PDE4D: variants seen among roughly 807,000 people sequenced by gnomAD.
The protein encoded by PDE4D is 3',5'-cyclic-AMP phosphodiesterase 4D.
In PDE4D, 24 loss-of-function variants were observed where a neutral mutation model predicts 87.4. That is an observed-to-expected ratio of 0.27 (90% CI 0.20 to 0.39). The LOEUF (loss-of-function observed/expected upper bound fraction) is 0.39. Ranked by LOEUF, PDE4D falls within the 10% of genes least tolerant of loss-of-function variation. The probability of loss-of-function intolerance (pLI) is 1.00; values close to 1 mark genes in which losing one functional copy is unlikely to be tolerated. For missense variants in PDE4D, 714 were observed against 1,041.0 expected (o/e 0.69, Z 4.32); for synonymous variants, 384 against 383.2 (o/e 1.00, Z -0.02).
chr5:59,003,651 A>C (rs899098086), intron 6 of PDE4D, among the ~76,000 whole-genome samples: 13 of 152,222 alleles, frequency 8.5e-5, no homozygotes, highest in African/African-American at 3.1e-4. Context: ...ATAATACGTC[A>C]TGGGGTGATA....
At position 60,322,367 on chromosome 5, in the gene PDE4D, T is replaced by TACACACAC. The variant is rs60232413; in HGVS notation, c.-89-136688_-89-136681dup. Among the ~76,000 whole-genome samples the TACACACAC allele has an allele frequency of 8.1e-4, 108 of 132,804 alleles. 2 individuals are homozygous for TACACACAC. Among genetic ancestry groups the TACACACAC allele is most frequent in the Middle Eastern group, 7.7e-3 (2 of 260 alleles). 87.1% of individuals were successfully genotyped at this position (132,804 alleles called of 152,430 possible). On this transcript the variant is annotated intron_variant, in intron 1 of 16. Coordinates refer to the PDE4D transcript ENST00000502484. Reference sequence around the variant, plus strand: ...AACATTGAATATATATGGACACACATACACACACACACACACACACACACA... The same window carrying TACACACAC: ...AACATTGAATATATATGGACACACATACACACACACACACACACACACACACACACACA...
intron 1 of PDE4D, among the ~76,000 whole-genome samples, chr5:60,267,217 G>A (rs1750309585): frequency 6.6e-6 from 1 of 152,236 alleles, no homozygotes; most frequent in East Asian, 1.9e-4. Flanking sequence ...AGAGATGAGA[G>A]AGGAGAGGAA....
intron 1 of PDE4D, among the ~76,000 whole-genome samples, chr5:59,375,988 C>T (rs561154672): frequency 4.7e-4 from 72 of 152,218 alleles, no homozygotes; most frequent in Middle Eastern, 3.4e-3. Flanking sequence ...AATTCAAGAT[C>T]GCTTCATGTT....
At chr5:59,545,435 T>C (rs1426089285) in intron 1 of PDE4D, among the ~76,000 whole-genome samples, 2 of 152,210 alleles carry the variant, frequency 1.3e-5, no homozygotes, top group Non-Finnish European at 2.9e-5. Flanking sequence ...TTCTAGGTAG[T>C]TCACAACCAG....
At position 59,454,252 on chromosome 5, in the gene PDE4D, G is replaced by A. The variant is rs115749808; in HGVS notation, c.456-238284C>T. 5.2e-3 allele frequency among the ~76,000 whole-genome samples: 791 copies of A among 152,232 alleles called. 9 individuals are homozygous for A. The highest frequency in any genetic ancestry group is 0.018 in the African/African-American group (759 of 41,548). On this transcript the variant is annotated intron_variant, in intron 1 of 14. Coordinates refer to ENST00000340635, the MANE Select transcript of PDE4D (RefSeq NM_001104631.2). ...ATACATGATATGGTTTGGCTGTGTC[G>A]CCACCCAAATCTCATCTTGATTGTA... is the stretch of plus-strand genomic sequence containing the variant.
chr5:60,437,741 T>A (rs1256210600), intron 1 of PDE4D, among the ~76,000 whole-genome samples: 1 of 152,128 alleles, frequency 6.6e-6, no homozygotes, highest in East Asian at 1.9e-4. Flanking sequence ...GAAATTCAGT[T>A]GCCAGTGCTT....
intron 1 of PDE4D, among the ~76,000 whole-genome samples, chr5:60,382,013 C>A (rs1761894278): frequency 2.0e-5 from 3 of 152,090 alleles, no homozygotes; most frequent in Admixed American, 6.6e-5. Context: ...GCTAGTTATA[C>A]TGTATACTTT....
chr5:59,089,713 T>A (rs1214620696), intron 5 of PDE4D, among the ~76,000 whole-genome samples: 1 of 152,166 alleles, frequency 6.6e-6, no homozygotes, highest in Non-Finnish European at 1.5e-5. Flanking sequence ...AGATTTTTAA[T>A]CTTAAATTAG....
In PDE4D at chr5:59,189,656, C is replaced by G. The variant is rs578123025; in HGVS notation, c.684+3844G>C. On this transcript the variant is annotated intron_variant, in intron 3 of 14. Coordinates refer to ENST00000340635, the MANE Select transcript of PDE4D (RefSeq NM_001104631.2). ...TAGTGCTCCTTGGCCCCCAAGAACT[C>G]TGGCCAAGAAAAAAAGGTCAGTTGC... Among the ~76,000 whole-genome samples the G allele has an allele frequency of 3.3e-5, 5 of 152,244 alleles. No individual in the cohort carries two copies. In the East Asian group the frequency reaches 9.7e-4, roughly 29 times the overall value.
intron 3 of PDE4D, among the ~76,000 whole-genome samples, chr5:59,971,363 A>AAAAAAAATAAAT (rs1554125404): frequency 2.1e-5 from 3 of 145,978 alleles, no homozygotes; most frequent in Admixed American, 6.9e-5. Context: ...ATAATAATAA[A>AAAAAAAATAAAT]AAATAAATAA....
intron 2 of PDE4D, among the ~76,000 whole-genome samples, chr5:60,166,902 G>A (rs917465577): frequency 2.0e-5 from 3 of 151,988 alleles, no homozygotes; most frequent in Non-Finnish European, 4.4e-5. Flanking sequence ...GGTTTCTGCT[G>A]AGAAGTTTGC....
intron 1 of PDE4D, among the ~76,000 whole-genome samples, chr5:59,430,830 C>T (rs181866476): frequency 1.3e-5 from 2 of 152,172 alleles, no homozygotes; most frequent in Admixed American, 1.3e-4. Context: ...GAGTTATTTA[C>T]CTGTAAACAA....
chr5:60,288,814 T>C (rs368932944), intron 1 of PDE4D, among the ~76,000 whole-genome samples: 7 of 152,222 alleles, frequency 4.6e-5, no homozygotes, highest in African/African-American at 1.7e-4. Context: ...ATGATGACCA[T>C]AATTGCAACA....
intron 5 of PDE4D, among the ~76,000 whole-genome samples, chr5:59,088,844 G>A (rs1768187047): frequency 6.6e-6 from 1 of 152,162 alleles, no homozygotes; most frequent in Admixed American, 6.6e-5. Context: ...GGTATTAGGT[G>A]TAATATGTGG....
chr5:59,671,899 C>T (rs1317423188), intron 1 of PDE4D, among the ~76,000 whole-genome samples: 6 of 151,828 alleles, frequency 4.0e-5, no homozygotes, highest in African/African-American at 1.2e-4. Flanking sequence ...TTAGGAAATG[C>T]TAGAATTCCT....
chr5:60,404,162 T>A (rs983248254), intron 1 of PDE4D, among the ~76,000 whole-genome samples: 3 of 17,354 alleles, frequency 1.7e-4, no homozygotes, highest in African/African-American at 1.3e-3. Flanking sequence ...CAGCCAATTC[T>A]TTTTTTTTTT....
Position 59,215,552 on chromosome 5 carries a change from C to CGT in PDE4D, c.647+223_647+224dup, listed in dbSNP as rs10693866. On this transcript the variant is annotated intron_variant, in intron 2 of 14. Transcript: ENST00000340635. Reference sequence around the variant, plus strand: ...TATTTTCTGGGAAAATAAATACATGCGTGTGTGTGTGTGTGTGTGTGTGTG... The same window carrying CGT: ...TATTTTCTGGGAAAATAAATACATGCGTGTGTGTGTGTGTGTGTGTGTGTGTG... 16,957 of 363,314 alleles carry CGT rather than the reference C, an allele frequency of 0.047. 225 individuals are homozygous for CGT. Among genetic ancestry groups the CGT allele is most frequent in the Middle Eastern group, 0.07 (90 of 1,284 alleles). The allele number at this position is 363,314 out of a possible 1,614,324, so 22.5% of individuals were successfully genotyped here.
At chr5:59,124,038 T>C (rs1043793453) in intron 5 of PDE4D, among the ~76,000 whole-genome samples, 2 of 152,216 alleles carry the variant, frequency 1.3e-5, no homozygotes, top group Admixed American at 6.5e-5. Context: ...CCTTAGAAAC[T>C]GTGGAAAAGG....
chr5:59,253,233 T>C (rs989280835), intron 1 of PDE4D, among the ~76,000 whole-genome samples: 1 of 152,206 alleles, frequency 6.6e-6, no homozygotes, highest in Admixed American at 6.5e-5. Context: ...TGTGATTAGT[T>C]ACTGTCTTTT....
Sources: allele counts gnomAD v4.1 joint callset (sites outside exome capture counted in the v4.1 genomes callset), GRCh38; gene constraint gnomAD v4.1.1; transcripts MANE v1.5; gene names NCBI Gene and HGNC (gene_info 2026-07-23, HGNC 2026-07-21).